TASOR: variants seen among roughly 807,000 people sequenced by gnomAD.
TASOR encodes the protein protein TASOR.
A neutral mutation model predicts 178.6 loss-of-function variants in TASOR; 53 were observed. That is an observed-to-expected ratio of 0.30 (90% CI 0.24 to 0.37). TASOR has a LOEUF of 0.37. Ranked by LOEUF, TASOR falls within the 10% of genes least tolerant of loss-of-function variation. The probability of loss-of-function intolerance (pLI) is 1.00; values close to 1 mark genes in which losing one functional copy is unlikely to be tolerated. For synonymous variants in TASOR, 713 were observed against 696.2 expected (o/e 1.02, Z -0.38); for missense variants, 1,815 against 1,971.4 (o/e 0.92, Z 1.50).
At chr3:56,645,990 T>C (rs1468421520) in intron 14 of TASOR, among the ~76,000 whole-genome samples, 1 of 151,866 alleles carries the variant, frequency 6.6e-6, no homozygotes, top group Non-Finnish European at 1.5e-5. Flanking sequence ...CTACTAAAAA[T>C]ACAAAAAATT....
rs1027873890 is a variant in TASOR, at chr3:56,646,849, G to T, written c.1888C>A (p.Gln630Lys). The change falls in exon 14 of 24, where the codon CAG becomes AAG. Residue 630 changes from glutamine to lysine, a missense_variant. Gln to Lys is a moderately conservative substitution (Grantham distance 53, BLOSUM62 1). Transcript: ENST00000683822. ...KELFEENRKLQQFSPLSDYEG... is the reference protein window; with the variant it reads ...KELFEENRKLKQFSPLSDYEG... ...TAATCTGAAAGTGGACTAAACTGCT[G>T]AAGTTTTCTATTTTCTTCAAATAGT... 5.0e-6 allele frequency: 8 copies of T among 1,606,398 alleles called. No individual in the cohort carries two copies. Among genetic ancestry groups the T allele is most frequent in the African/African-American group, 1.3e-5 (1 of 74,284 alleles).
chr3:56,637,051 G>A (rs941420313), intron 17 of TASOR, among the ~76,000 whole-genome samples: 1 of 152,060 alleles, frequency 6.6e-6, no homozygotes, highest in Non-Finnish European at 1.5e-5. Flanking sequence ...TCCCTGACAC[G>A]ATATTGCATG....
intron 8 of TASOR, 139 bp from the exon 9 acceptor site, chr3:56,662,629 T>G (rs773327011): frequency 3.3e-5 from 17 of 515,726 alleles, no homozygotes; most frequent in Non-Finnish European, 5.6e-5. Context: ...ACAGTGACTC[T>G]TCTACACTTC....
At chr3:56,654,134 G>A (rs2077419056) in intron 11 of TASOR, among the ~76,000 whole-genome samples, 1 of 152,040 alleles carries the variant, frequency 6.6e-6, no homozygotes, top group Non-Finnish European at 1.5e-5. Context: ...AGGTGTCATG[G>A]AGCATGCCTG....
At chr3:56,641,007 A>G (rs752123171) in intron 15 of TASOR, among the ~76,000 whole-genome samples, 3 of 152,196 alleles carry the variant, frequency 2.0e-5, no homozygotes, top group Non-Finnish European at 4.4e-5. Context: ...TGCCGACAGA[A>G]AGCCAATGCT....
chr3:56,634,050 G>A (rs2076969522), intron 17 of TASOR, 84 bp from the exon 18 acceptor site: 3 of 1,084,828 alleles, frequency 2.8e-6, no homozygotes, highest in Non-Finnish European at 3.9e-6. Flanking sequence ...GGGGAAAAAA[G>A]GGTTAACACA....
rs1337337960 is a variant in TASOR at position 56,639,951 on chromosome 3, T to C, written c.2764+35A>G. On this transcript the variant is annotated intron_variant, in intron 16 of 23. Transcript: ENST00000683822. ...TCAGGAAACTGGTCTCTAAGTAAAA[T>C]GAAGCAAACACAAGTCCAAGTATAC... The C allele has an allele frequency of 5.7e-6, 9 of 1,572,424 alleles. No homozygotes were observed. In the African/African-American group the frequency reaches 1.2e-4, roughly 21 times the overall value.
At chr3:56,653,572 A>C (rs2077404575) in intron 11 of TASOR, among the ~76,000 whole-genome samples, 1 of 152,126 alleles carries the variant, frequency 6.6e-6, no homozygotes, top group African/African-American at 2.4e-5. Flanking sequence ...GCATAGTCAA[A>C]GTGCAAGAAA....
chr3:56,678,171 CTT>C (rs1470961745), intron 1 of TASOR, among the ~76,000 whole-genome samples: 1 of 135,086 alleles, frequency 7.4e-6, no homozygotes, highest in African/African-American at 2.9e-5. Flanking sequence ...ACAAAACACA[CTT>C]ATGATTTTTT....
intron 1 of TASOR, among the ~76,000 whole-genome samples, 193 bp from the exon 2 acceptor site, chr3:56,673,918 C>T (rs571932944): frequency 6.6e-6 from 1 of 152,208 alleles, no homozygotes; most frequent in Admixed American, 6.5e-5. Flanking sequence ...CCTACATACA[C>T]CAGTTCCTTC....
At chr3:56,644,917 AAACTT>A (rs1433278098) in intron 14 of TASOR, among the ~76,000 whole-genome samples, 1 of 152,242 alleles carries the variant, frequency 6.6e-6, no homozygotes, top group Non-Finnish European at 1.5e-5. Context: ...ATTTTAATTC[AAACTT>A]AAATAAAAAC....
At chr3:56,678,898 C>A (rs1283969468) in intron 1 of TASOR, among the ~76,000 whole-genome samples, 1 of 151,382 alleles carries the variant, frequency 6.6e-6, no homozygotes, top group Non-Finnish European at 1.5e-5. Flanking sequence ...GTAATCCGAA[C>A]TACTGGGGGA....
chr3:56,630,418 A>C (rs1272892440), intron 18 of TASOR, among the ~76,000 whole-genome samples: 1 of 152,256 alleles, frequency 6.6e-6, no homozygotes, highest in Non-Finnish European at 1.5e-5. Context: ...TTAAAGTTTC[A>C]ATCTGGTTTT....
In TASOR at chr3:56,633,573, C is replaced by A. The variant is rs1029253743; in HGVS notation, c.3218G>T (p.Gly1073Val). 3.1e-6 allele frequency: 5 copies of A among 1,614,146 alleles called. No homozygotes were observed. The highest frequency in any genetic ancestry group is 4.2e-6 in the Non-Finnish European group (5 of 1,180,036). The change falls in exon 18 of 24, where the codon GGT becomes GTT. Residue 1073 changes from glycine (G) to valine (V), a missense_variant. Physicochemically the swap from Gly to Val is moderately radical, Grantham distance 109. Around this residue, in one of 5 missense-constraint regions of TASOR, gnomAD observed 655 missense variants for 671.1 expected, o/e 0.98. Coordinates refer to ENST00000683822, the MANE Select transcript of TASOR (RefSeq NM_001365635.2). Reference protein sequence around the residue: ...EFIYSKTSKAGVQEFVDGLHE... With the variant: ...EFIYSKTSKAVVQEFVDGLHE... ...CAAACCATCTACAAACTCCTGCACA[C>A]CAGCTTTGGAAGTCTTAGAATATAT...
chr3:56,664,827 T>C (rs1400659031), intron 7 of TASOR, among the ~76,000 whole-genome samples: 1 of 152,160 alleles, frequency 6.6e-6, no homozygotes, highest in Non-Finnish European at 1.5e-5. Context: ...CACCTTATAC[T>C]AGAGCTTTTA....
rs2031953806 is a variant in TASOR at position 56,683,120 on chromosome 3, T to C, written c.-114A>G. 1.6e-6 allele frequency: 2 copies of C among 1,221,502 alleles called. No individual in the cohort carries two copies. Among genetic ancestry groups the C allele is most frequent in the Non-Finnish European group, 2.2e-6 (2 of 907,850 alleles). 75.7% of individuals were successfully genotyped at this position (1,221,502 alleles called of 1,614,324 possible). A position where few individuals can be genotyped will look rare whatever the true frequency, so the allele number is the denominator to read the frequency against. ...GCTGCTCTCAGCCCACCCACCCCCTTCCCCCCGTGGCCTCAGGCTGCGCTC... is the reference window on the plus strand; with the variant it reads ...GCTGCTCTCAGCCCACCCACCCCCTCCCCCCCGTGGCCTCAGGCTGCGCTC... On this transcript the variant is annotated 5_prime_UTR_variant, in exon 1 of 24. Transcript: ENST00000683822.
Position 56,683,054 on chromosome 3 carries a change from G to T in TASOR, c.-48C>A. 2 of 1,448,184 alleles carry T rather than the reference G, an allele frequency of 1.4e-6. No homozygotes were observed. The highest frequency in any genetic ancestry group is 1.4e-5 in the African/African-American group (1 of 70,020). The allele number at this position is 1,448,184 out of a possible 1,614,324, so 89.7% of individuals were successfully genotyped here. ...GGAAGCTTCTGCCCACAAGGTCGACGGGTGTGGGGGGAAGGGGCGGCGGGC... is the reference window on the plus strand; with the variant it reads ...GGAAGCTTCTGCCCACAAGGTCGACTGGTGTGGGGGGAAGGGGCGGCGGGC... On this transcript the variant is annotated 5_prime_UTR_variant, in exon 1 of 24. Coordinates refer to ENST00000683822, the MANE Select transcript of TASOR (RefSeq NM_001365635.2).
intron 11 of TASOR, among the ~76,000 whole-genome samples, chr3:56,655,664 G>T (rs1438187682): frequency 6.6e-6 from 1 of 152,068 alleles, no homozygotes; most frequent in African/African-American, 2.4e-5. Context: ...GTATACACCT[G>T]CAGCCCAGCT....
chr3:56,647,292 C>G, intron 13 of TASOR, 69 bp from the exon 14 acceptor site: 2 of 1,229,466 alleles, frequency 1.6e-6, no homozygotes, highest in East Asian at 2.4e-5. Context: ...AAATACAGAT[C>G]TAAATATTGC....
Sources: gnomAD v4.1 joint callset for allele counts (sites outside exome capture counted in the v4.1 genomes callset) on GRCh38, gnomAD v4.1.1 for gene constraint, gnomAD v4.1.1 regional missense constraint, MANE v1.5 for transcripts, NCBI Gene and HGNC (gene_info 2026-07-23, HGNC 2026-07-21) for gene names.